PDE3A: variants seen among roughly 807,000 people sequenced by gnomAD.
PDE3A encodes the protein phosphodiesterase 3A, also known as cGMP-inhibited 3',5'-cyclic phosphodiesterase 3A.
Under a neutral mutation model 98.3 loss-of-function variants are expected in PDE3A, and 43 were observed. The ratio of observed to expected loss-of-function variants is 0.44; its 90% CI spans 0.34 to 0.56. PDE3A has a LOEUF of 0.56. Among genes scored for constraint, PDE3A ranks in the 20% least tolerant of loss-of-function variants. The pLI, the probability that PDE3A is intolerant of heterozygous loss-of-function variation, is 0.01. For missense variants in PDE3A, 1,427 were observed against 1,440.7 expected, an observed-to-expected ratio of 0.99 and a Z score of 0.15; for synonymous variants, 663 against 567.9, an observed-to-expected ratio of 1.17 and a Z score of -2.38.
chr12:20,662,785 A>G (rs1440705691), intron 15 of PDE3A, among the ~76,000 whole-genome samples: 1 of 152,234 alleles, frequency 6.6e-6, no homozygotes, highest in Non-Finnish European at 1.5e-5. Flanking sequence ...AGGATGTGAT[A>G]GAAAAGAAAA....
At chr12:20,396,822 T>C (rs1294598394) in intron 1 of PDE3A, among the ~76,000 whole-genome samples, 4 of 152,076 alleles carry the variant, frequency 2.6e-5, no homozygotes, top group Non-Finnish European at 5.9e-5. Context: ...GAAAGCAAAC[T>C]TTTCAGAATC....
intron 5 of PDE3A, 76 bp from the exon 6 acceptor site, chr12:20,629,832 C>T (rs1944342500): frequency 9.0e-7 from 1 of 1,107,340 alleles, no homozygotes. Context: ...TTGTAAGAGT[C>T]CAGGTGAAGT....
At chr12:20,403,371 A>G (rs1289570365) in intron 1 of PDE3A, among the ~76,000 whole-genome samples, 1 of 152,190 alleles carries the variant, frequency 6.6e-6, no homozygotes, top group Non-Finnish European at 1.5e-5. Flanking sequence ...TGTTTTGAAG[A>G]AGAATTGCGA....
At chr12:20,679,867 TTATAA>T (rs1337201454) in intron 15 of PDE3A, among the ~76,000 whole-genome samples, 158 bp from the exon 16 acceptor site, 2 of 106,550 alleles carry the variant, frequency 1.9e-5, no homozygotes, top group South Asian at 2.3e-4. Flanking sequence ...ATATACAGTA[TTATAA>T]TATATATATT....
intron 1 of PDE3A, among the ~76,000 whole-genome samples, chr12:20,384,184 ATT>A (rs3058564): frequency 0.014 from 1,907 of 137,862 alleles, 33 homozygotes; most frequent in African/African-American, 0.041. Flanking sequence ...TTGGGTTGAC[ATT>A]TTTTTTTTTT....
intron 1 of PDE3A, among the ~76,000 whole-genome samples, chr12:20,476,678 G>A (rs1258350421): frequency 1.3e-5 from 2 of 152,192 alleles, no homozygotes; most frequent in Non-Finnish European, 2.9e-5. Flanking sequence ...TATCCAAGAA[G>A]AATGGACTAT....
chr12:20,518,269 A>G (rs74479650), intron 1 of PDE3A, among the ~76,000 whole-genome samples: 2,343 of 152,236 alleles, frequency 0.015, 69 homozygotes, highest in African/African-American at 0.054. Flanking sequence ...TTTTGCATGA[A>G]TATATAAAGA....
chr12:20,509,044 G>C (rs1015551898), intron 1 of PDE3A, among the ~76,000 whole-genome samples: 1 of 151,876 alleles, frequency 6.6e-6, no homozygotes, highest in Non-Finnish European at 1.5e-5. Flanking sequence ...TTCTGTTACC[G>C]TATCTCAAAC....
At position 20,495,023 on chromosome 12, in the gene PDE3A, A is replaced by G. The variant is rs567348738; in HGVS notation, c.961-61637A>G. Among the ~76,000 whole-genome samples the G allele has an allele frequency of 2.0e-5, 3 of 152,310 alleles. No individual in the cohort carries two copies. The South Asian group carries it at 6.2e-4, about 32-fold the overall frequency. On this transcript the variant is annotated intron_variant, in intron 1 of 15. Coordinates refer to ENST00000359062, the MANE Select transcript of PDE3A (RefSeq NM_000921.5). Reference sequence around the variant, plus strand: ...AGAAACCGATTCTGAATCATTATTTATTTATTTAAACATAGTGTCTGTCTA... The same window carrying G: ...AGAAACCGATTCTGAATCATTATTTGTTTATTTAAACATAGTGTCTGTCTA...
chr12:20,373,229 T>C (rs545372082), intron 1 of PDE3A, among the ~76,000 whole-genome samples: 4 of 152,084 alleles, frequency 2.6e-5, no homozygotes, highest in Non-Finnish European at 4.4e-5. Context: ...ATTTTGTAGA[T>C]GAGTGTGTCA....
intron 15 of PDE3A, among the ~76,000 whole-genome samples, chr12:20,664,776 T>C (rs1013807374): frequency 1.3e-5 from 2 of 152,146 alleles, no homozygotes; most frequent in South Asian, 4.1e-4. Flanking sequence ...TTGAGTCCAT[T>C]AAACCTCTTT....
At chr12:20,649,792 G>A (rs1341559335) in intron 13 of PDE3A, among the ~76,000 whole-genome samples, 3 of 151,976 alleles carry the variant, frequency 2.0e-5, no homozygotes, top group Non-Finnish European at 4.4e-5. Flanking sequence ...CAGGTGTGGT[G>A]GCGCACCCCT....
At chr12:20,667,670 C>T (rs1020079162) in intron 15 of PDE3A, among the ~76,000 whole-genome samples, 6 of 152,036 alleles carry the variant, frequency 3.9e-5, no homozygotes, top group Admixed American at 3.3e-4. Flanking sequence ...GTTTACTATA[C>T]CCTTGAAGCA....
chr12:20,553,528 T>C (rs1942275022), intron 1 of PDE3A, among the ~76,000 whole-genome samples: 1 of 134,058 alleles, frequency 7.5e-6, no homozygotes, highest in Non-Finnish European at 1.6e-5. Flanking sequence ...GGCTCAGCTG[T>C]CTGTTGAAGT....
intron 1 of PDE3A, chr12:20,371,233 G>A (rs762106711): frequency 3.2e-5 from 8 of 250,798 alleles, no homozygotes; most frequent in Non-Finnish European, 5.1e-5. Context: ...GCTATAAAGG[G>A]CATAAAGGAA....
intron 2 of PDE3A, among the ~76,000 whole-genome samples, chr12:20,590,105 G>A (rs1943300902): frequency 1.3e-5 from 2 of 151,898 alleles, no homozygotes; most frequent in Admixed American, 6.6e-5. Context: ...CTATTACGCA[G>A]CATATAAAAC....
intron 1 of PDE3A, among the ~76,000 whole-genome samples, chr12:20,479,624 T>G (rs1945589171): frequency 6.6e-6 from 1 of 152,182 alleles, no homozygotes; most frequent in Non-Finnish European, 1.5e-5. Flanking sequence ...ATCTTGCTCC[T>G]TTGAGTTTAT....
rs145002304 is a variant in PDE3A, at chr12:20,595,400, T to C, written c.1012-18043T>C. ...GGCTTTGGAGTTGAAATTATCATGA[T>C]TGGCACAGAGAGTCAATCATGATAG... On this transcript the variant is annotated intron_variant, in intron 2 of 15. Transcript: ENST00000359062. Among the ~76,000 whole-genome samples the C allele has an allele frequency of 1.1e-3, 167 of 152,284 alleles. 3 individuals carry two copies. The East Asian group carries it at 0.026, about 23-fold the overall frequency.
At chr12:20,579,076 G>A (rs1943006682) in intron 2 of PDE3A, among the ~76,000 whole-genome samples, 1 of 151,994 alleles carries the variant, frequency 6.6e-6, no homozygotes, top group Non-Finnish European at 1.5e-5. Context: ...CCCAATTTAG[G>A]TGATGATAAT....
Sources: allele counts gnomAD v4.1 joint callset (sites outside exome capture counted in the v4.1 genomes callset), GRCh38; gene constraint gnomAD v4.1.1; transcripts MANE v1.5; gene names NCBI Gene and HGNC (gene_info 2026-07-23, HGNC 2026-07-21).